SLC4A4: variants seen among roughly 807,000 people sequenced by gnomAD.
SLC4A4 encodes the protein solute carrier family 4 member 4, also known as electrogenic sodium bicarbonate cotransporter 1.
SLC4A4 carries 27 observed loss-of-function variants against 111.5 expected under a neutral mutation model. The ratio of observed to expected loss-of-function variants is 0.24; its 90% CI spans 0.18 to 0.33. The LOEUF (loss-of-function observed/expected upper bound fraction) is 0.33, where lower values mean the gene tolerates loss of function less well. Ranked by LOEUF, SLC4A4 falls within the 10% of genes least tolerant of loss-of-function variation. The pLI is 1.00. For missense variants in SLC4A4, 909 were observed against 1,315.5 expected (o/e 0.69, Z 4.78); for synonymous variants, 443 against 463.4 (o/e 0.96, Z 0.57).
chr4:71,195,383 A>G (rs141646019), intron 1 of SLC4A4, among the ~76,000 whole-genome samples: 122 of 152,012 alleles, frequency 8.0e-4, no homozygotes, highest in Non-Finnish European at 1.6e-3. Flanking sequence ...TTTTATAAGG[A>G]CGTTTACATA....
intron 24 of SLC4A4, among the ~76,000 whole-genome samples, chr4:71,566,359 G>A (rs564538170): frequency 1.4e-4 from 22 of 151,836 alleles, no homozygotes; most frequent in African/African-American, 4.6e-4. Flanking sequence ...ACCTGGTATA[G>A]CCCCTTATAA....
intron 7 of SLC4A4, among the ~76,000 whole-genome samples, chr4:71,405,340 A>G (rs1341410057): frequency 6.6e-6 from 1 of 152,118 alleles, no homozygotes; most frequent in Non-Finnish European, 1.5e-5. Context: ...ATGAATACTT[A>G]TATATTTCTA....
At chr4:71,514,609 A>C (rs976174040) in intron 16 of SLC4A4, among the ~76,000 whole-genome samples, 1 of 152,188 alleles carries the variant, frequency 6.6e-6, no homozygotes, top group Admixed American at 6.5e-5. Flanking sequence ...CTCCACAGTG[A>C]ATCTATCTAG....
intron 1 of SLC4A4, among the ~76,000 whole-genome samples, chr4:71,083,815 GAT>G (rs1303282973): frequency 7.6e-6 from 1 of 131,428 alleles, no homozygotes; most frequent in Non-Finnish European, 1.5e-5. Flanking sequence ...AGTCCTAATG[GAT>G]AGTTTATGGA....
chr4:71,122,022 C>T (rs1467819482), intron 2 of SLC4A4, among the ~76,000 whole-genome samples: 2 of 152,110 alleles, frequency 1.3e-5, no homozygotes, highest in Admixed American at 1.3e-4. Flanking sequence ...AGCTTCACTC[C>T]TGAAGCCAGC....
At chr4:71,161,589 T>C (rs548935549) in intron 2 of SLC4A4, among the ~76,000 whole-genome samples, 1 of 152,354 alleles carries the variant, frequency 6.6e-6, no homozygotes, top group East Asian at 1.9e-4. Context: ...AACTCTTCAG[T>C]AAGCTTCATG....
At chr4:71,528,736 C>G (rs547251735) in intron 16 of SLC4A4, among the ~76,000 whole-genome samples, 2 of 151,704 alleles carry the variant, frequency 1.3e-5, no homozygotes, top group South Asian at 4.2e-4. Context: ...TTTAGGATAA[C>G]CATTCAGCAT....
chr4:71,322,109 C>T (rs1037235352), intron 3 of SLC4A4, among the ~76,000 whole-genome samples: 4 of 151,958 alleles, frequency 2.6e-5, no homozygotes, highest in African/African-American at 9.7e-5. Flanking sequence ...CCAGCAAAAT[C>T]TTTAGAGCGT....
intron 14 of SLC4A4, among the ~76,000 whole-genome samples, chr4:71,482,119 T>C (rs964014940): frequency 7.9e-5 from 12 of 151,732 alleles, no homozygotes; most frequent in Non-Finnish European, 1.3e-4. Context: ...CAACGGTTCT[T>C]GTAGACCAAG....
chr4:71,454,902 T>G (rs906624251), intron 12 of SLC4A4, among the ~76,000 whole-genome samples: 3 of 152,104 alleles, frequency 2.0e-5, no homozygotes, highest in African/African-American at 7.2e-5. Flanking sequence ...CAGCAGAGGT[T>G]GAGGTCACGC....
At chr4:71,342,228 A>G (rs867940944) in intron 4 of SLC4A4, among the ~76,000 whole-genome samples, 14 of 152,238 alleles carry the variant, frequency 9.2e-5, no homozygotes, top group African/African-American at 3.4e-4. Flanking sequence ...AATAACCTGT[A>G]TAGAAAAAAA....
intron 7 of SLC4A4, among the ~76,000 whole-genome samples, chr4:71,423,573 C>G (rs957374746): frequency 1.3e-5 from 2 of 152,122 alleles, no homozygotes; most frequent in Non-Finnish European, 2.9e-5. Context: ...AGGCATCACA[C>G]TACCTGACTT....
At chr4:71,378,656 A>T (rs1717775366) in intron 6 of SLC4A4, among the ~76,000 whole-genome samples, 1 of 152,242 alleles carries the variant, frequency 6.6e-6, no homozygotes, top group South Asian at 2.1e-4. Context: ...AAGGAAAAGC[A>T]AATGCAGTAT....
intron 7 of SLC4A4, chr4:71,437,678 C>T: frequency 4.3e-6 from 2 of 463,796 alleles, no homozygotes; most frequent in Non-Finnish European, 8.6e-6. Flanking sequence ...AGAGCACAGG[C>T]CATGCCAACT....
chr4:71,105,351 G>T (rs1742878651), intron 2 of SLC4A4, among the ~76,000 whole-genome samples: 1 of 148,930 alleles, frequency 6.7e-6, no homozygotes, highest in African/African-American at 2.5e-5. Context: ...ACTGCCCAAG[G>T]TAATTTATAG....
At chr4:71,243,375 A>G (rs1050570898) in intron 2 of SLC4A4, among the ~76,000 whole-genome samples, 3 of 152,194 alleles carry the variant, frequency 2.0e-5, no homozygotes, top group African/African-American at 7.2e-5. Context: ...CCTGAACTAA[A>G]TATTTCCCCT....
intron 23 of SLC4A4, among the ~76,000 whole-genome samples, chr4:71,560,605 T>A (rs990513388): frequency 2.0e-5 from 3 of 151,840 alleles, no homozygotes; most frequent in African/African-American, 4.8e-5. Context: ...ACCCAGGGCT[T>A]ATATTTGAGA....
At chr4:71,324,513 CATT>C (rs937927001) in intron 3 of SLC4A4, among the ~76,000 whole-genome samples, 4 of 151,996 alleles carry the variant, frequency 2.6e-5, no homozygotes, top group South Asian at 2.1e-4. Flanking sequence ...GCTGTACCAT[CATT>C]GAGACTACCC....
intron 2 of SLC4A4, among the ~76,000 whole-genome samples, chr4:71,099,949 A>C (rs1742673959): frequency 6.6e-6 from 1 of 152,144 alleles, no homozygotes; most frequent in Non-Finnish European, 1.5e-5. Context: ...TCCAAAATTG[A>C]ATCAGTAATA....
Sources: allele counts gnomAD v4.1 joint callset (sites outside exome capture counted in the v4.1 genomes callset), GRCh38; gene constraint gnomAD v4.1.1; transcripts MANE v1.5; gene names NCBI Gene and HGNC (gene_info 2026-07-23, HGNC 2026-07-21).